The following ZNF536 variants were observed in gnomAD, a reference collection of about 807,000 sequenced individuals.
ZNF536 encodes zinc finger protein 536.
In ZNF536, 13 loss-of-function variants were observed where a neutral mutation model predicts 84.5. The ratio of observed to expected loss-of-function variants is 0.15; its 90% CI spans 0.10 to 0.24. The LOEUF is 0.24. Among genes scored for constraint, ZNF536 ranks in the 10% least tolerant of loss-of-function variants. The pLI, the probability that ZNF536 is intolerant of heterozygous loss-of-function variation, is 1.00. For missense variants in ZNF536, 1,536 were observed against 1,747.5 expected (o/e 0.88, Z 2.16); for synonymous variants, 811 against 742.5 (o/e 1.09, Z -1.50).
At chr19:30,485,839 C>G (rs2144980770) in intron 2 of ZNF536, among the ~76,000 whole-genome samples, 1 of 151,734 alleles carries the variant, frequency 6.6e-6, no homozygotes, top group African/African-American at 2.4e-5. Context: ...AGGTTTTTTT[C>G]TTAATTTGGG....
intron 1 of ZNF536, among the ~76,000 whole-genome samples, chr19:30,375,754 T>G (rs1441786007): frequency 6.6e-6 from 1 of 152,188 alleles, no homozygotes; most frequent in Non-Finnish European, 1.5e-5. Context: ...CATGTTGTGT[T>G]CGTGTTTGCA....
At chr19:30,303,989 C>T (rs932694242) in intron 2 of ZNF536, among the ~76,000 whole-genome samples, 4 of 152,134 alleles carry the variant, frequency 2.6e-5, no homozygotes, top group Non-Finnish European at 4.4e-5. Flanking sequence ...ACCCCTCAGT[C>T]GATGGGGATG....
chr19:30,346,480 C>T (rs1292569848), intron 2 of ZNF536, among the ~76,000 whole-genome samples: 2 of 152,158 alleles, frequency 1.3e-5, no homozygotes, highest in Non-Finnish European at 2.9e-5. Flanking sequence ...TCCTGATCCT[C>T]TCCCTCCTCC....
chr19:30,236,547 G>A (rs1304709624), intron 1 of ZNF536, among the ~76,000 whole-genome samples: 1 of 146,376 alleles, frequency 6.8e-6, no homozygotes, highest in Non-Finnish European at 1.5e-5. Flanking sequence ...GGGTACAATT[G>A]GAATTTTAGT....
At chr19:30,481,569 T>A (rs536748640) in intron 2 of ZNF536, among the ~76,000 whole-genome samples, 312 of 152,298 alleles carry the variant, frequency 2.0e-3, no homozygotes, top group African/African-American at 7.2e-3. Flanking sequence ...ATTTATTGAG[T>A]TTTTAAAAAA....
intron 1 of ZNF536, among the ~76,000 whole-genome samples, chr19:30,596,262 GA>G (rs1189945794): frequency 6.6e-6 from 1 of 151,202 alleles, no homozygotes; most frequent in African/African-American, 2.4e-5. Flanking sequence ...GAGAGAGGGA[GA>G]GGGGAAAAAA....
At chr19:30,653,875 G>T (rs561910013) in intron 1 of ZNF536, among the ~76,000 whole-genome samples, 2 of 152,210 alleles carry the variant, frequency 1.3e-5, no homozygotes, top group African/African-American at 4.8e-5. Flanking sequence ...ATGTGCAATG[G>T]TGGAGGCTGC....
At chr19:30,433,022 A>G (rs528378960) in intron 1 of ZNF536, among the ~76,000 whole-genome samples, 2 of 152,228 alleles carry the variant, frequency 1.3e-5, no homozygotes, top group South Asian at 4.1e-4. Flanking sequence ...GTTTTGCCCA[A>G]ATATGAACTC....
intron 3 of ZNF536, among the ~76,000 whole-genome samples, chr19:30,362,916 A>C (rs947607478): frequency 3.3e-5 from 5 of 152,090 alleles, no homozygotes; most frequent in African/African-American, 9.7e-5. Flanking sequence ...AAAATTAGCC[A>C]GGCGTGATGG....
chr19:30,447,568 G>A (rs1376441723), intron 2 of ZNF536, among the ~76,000 whole-genome samples: 9 of 152,184 alleles, frequency 5.9e-5, no homozygotes, highest in South Asian at 2.1e-4. Context: ...CCAAGGAGGC[G>A]TGAGGTCACA....
rs548003587 is a variant in ZNF536, at chr19:30,495,582, A to C, written c.2171-39265A>C. 2.0e-4 allele frequency among the ~76,000 whole-genome samples: 31 copies of C among 152,344 alleles called. No individual in the cohort carries two copies. The South Asian group carries it at 5.0e-3, about 24-fold the overall frequency. Reference sequence around the variant, plus strand: ...TGATGGAGAGATAGCAGGCAAATACAACCTCTTATACACATGGAGCGTAGG... The same window carrying C: ...TGATGGAGAGATAGCAGGCAAATACCACCTCTTATACACATGGAGCGTAGG... On this transcript the variant is annotated intron_variant, in intron 2 of 4. Coordinates refer to ENST00000355537, the MANE Select transcript of ZNF536 (RefSeq NM_014717.3).
At position 30,704,647 on chromosome 19, in the gene ZNF536, C is replaced by CAAA. The variant is rs970475752; in HGVS notation, c.170-6089_170-6087dup. Among the ~76,000 whole-genome samples, 310 of 53,070 alleles carry CAAA rather than the reference C, an allele frequency of 5.8e-3. 8 individuals are homozygous for CAAA. The highest frequency in any genetic ancestry group is 0.018 in the African/African-American group (240 of 13,244). 34.8% of individuals were successfully genotyped at this position (53,070 alleles called of 152,430 possible). The stretch of plus-strand genomic sequence containing the variant: ...GGGCAACAAGAGTGAGAGTCCATCT[C>CAAA]AAAAAAAAAAAAAAAAAAAAAAAGA... On this transcript the variant is annotated intron_variant, in intron 1 of 1. Coordinates refer to the ZNF536 transcript ENST00000592773.
intron 1 of ZNF536, among the ~76,000 whole-genome samples, chr19:30,264,070 A>G (rs2025367040): frequency 6.6e-6 from 1 of 152,226 alleles, no homozygotes; most frequent in Non-Finnish European, 1.5e-5. Flanking sequence ...GTCCATATTT[A>G]ATTCAAATGA....
chr19:30,651,834 A>G (rs2049720153), intron 1 of ZNF536, among the ~76,000 whole-genome samples: 1 of 152,256 alleles, frequency 6.6e-6, no homozygotes, highest in Non-Finnish European at 1.5e-5. Context: ...CGATGAGGGC[A>G]GTGTCTAAAG....
intron 1 of ZNF536, among the ~76,000 whole-genome samples, chr19:30,422,657 T>C (rs2051011609): frequency 6.6e-6 from 1 of 152,124 alleles, no homozygotes; most frequent in African/African-American, 2.4e-5. Flanking sequence ...CATTTGCCCA[T>C]TCCATCTATC....
chr19:30,460,319 CGGA>C (rs2053076415), intron 2 of ZNF536, among the ~76,000 whole-genome samples: 1 of 152,122 alleles, frequency 6.6e-6, no homozygotes, highest in African/African-American at 2.4e-5. Context: ...GAGATTCAGA[CGGA>C]GGAGGAGGCA....
chr19:30,327,330 T>C (rs10417446), intron 2 of ZNF536, among the ~76,000 whole-genome samples: 106,248 of 151,926 alleles, frequency 0.7, 38,124 homozygotes, highest in African/African-American at 0.86. Flanking sequence ...GAGGTCTGAC[T>C]GAACCCTGCC....
At chr19:30,625,629 G>C (rs2048647042) in intron 1 of ZNF536, among the ~76,000 whole-genome samples, 1 of 152,216 alleles carries the variant, frequency 6.6e-6, no homozygotes, top group Admixed American at 6.5e-5. Flanking sequence ...AATGTTGAGA[G>C]GTTATGAAAA....
intron 1 of ZNF536, among the ~76,000 whole-genome samples, chr19:30,633,622 C>T (rs2048966099): frequency 6.6e-6 from 1 of 152,138 alleles, no homozygotes; most frequent in South Asian, 2.1e-4. Context: ...GTGAGAACAC[C>T]CAGTATTTGT....
Sources: allele counts gnomAD v4.1 joint callset (sites outside exome capture counted in the v4.1 genomes callset), GRCh38; gene constraint gnomAD v4.1.1; transcripts MANE v1.5; gene names NCBI Gene and HGNC (gene_info 2026-07-23, HGNC 2026-07-21).